Variants in SDK2 observed in about 807,000 individuals in gnomAD.
SDK2 encodes the protein protein sidekick-2.
In SDK2, 105 loss-of-function variants were observed where a neutral mutation model predicts 253.9. That is an observed-to-expected ratio of 0.41 (90% confidence interval 0.35 to 0.49). The LOEUF (loss-of-function observed/expected upper bound fraction) is 0.49. SDK2 is among the 20% of genes least tolerant of loss of function. The probability of loss-of-function intolerance (pLI) is 0.06; values close to 1 mark genes in which losing one functional copy is unlikely to be tolerated. For missense variants in SDK2, 2,608 were observed against 3,003.0 expected, an observed-to-expected ratio of 0.87 and a Z score of 3.07; for synonymous variants, 1,249 against 1,234.9, an observed-to-expected ratio of 1.01 and a Z score of -0.24.
intron 10 of SDK2, 141 bp downstream of exon 10, chr17:73,433,591 G>C: frequency 1.6e-6 from 1 of 623,430 alleles, no homozygotes; most frequent in East Asian, 3.1e-5. Flanking sequence ...GCCCGGCCGA[G>C]AGATGCTCTC....
At chr17:73,545,340 T>C (rs1007152318) in intron 1 of SDK2, among the ~76,000 whole-genome samples, 27 of 152,212 alleles carry the variant, frequency 1.8e-4, no homozygotes, top group African/African-American at 6.3e-4. Context: ...TCGGGTCCCA[T>C]GGCAGGAGGG....
intron 2 of SDK2, among the ~76,000 whole-genome samples, chr17:73,483,677 A>ATG (rs1567799265): frequency 4.1e-4 from 26 of 63,428 alleles, no homozygotes; most frequent in African/African-American, 1.7e-3. Context: ...ATATATATAT[A>ATG]TATATTTATA....
At position 73,361,590 on chromosome 17, in the gene SDK2, A is replaced by C; in HGVS notation, c.5467+94T>G. 1 of 1,286,646 alleles carries C rather than the reference A, an allele frequency of 7.8e-7. No individual in the cohort carries two copies. The highest frequency in any genetic ancestry group is 2.1e-5 in the Admixed American group (1 of 48,236). The allele number at this position is 1,286,646 out of a possible 1,614,324, so 79.7% of individuals were successfully genotyped here. On this transcript the variant is annotated intron_variant, in intron 39 of 44. Coordinates refer to ENST00000392650, the MANE Select transcript of SDK2 (RefSeq NM_001144952.2). The surrounding 1 kb of genome is among the most constrained non-coding windows in gnomAD (Gnocchi z 4.1). ...GAGCTCTGTCCTCCACTCTGTTTCC[A>C]GGGTCCAGCACAGCTCTTGACACCG...
intron 8 of SDK2, among the ~76,000 whole-genome samples, chr17:73,436,353 G>A (rs2063368707): frequency 6.6e-6 from 1 of 152,016 alleles, no homozygotes; most frequent in Non-Finnish European, 1.5e-5. Context: ...GAGGCGGGTG[G>A]ATCACCTGAG....
chr17:73,522,061 C>T (rs577878183), intron 1 of SDK2, among the ~76,000 whole-genome samples: 1 of 152,316 alleles, frequency 6.6e-6, no homozygotes, highest in East Asian at 1.9e-4. Flanking sequence ...TGAGTGACTC[C>T]CAAGATTACA....
At position 73,386,564 on chromosome 17, in the gene SDK2, AG is replaced by A; in HGVS notation, c.4395-17del. ...GGGCTTCAGCCTGTAGGGAGAAATC[AG>A]GGCCAATGAGCCAAGGTGCTCCTTA... On this transcript the variant is annotated splice_polypyrimidine_tract_variant and intron_variant, in intron 30 of 44. Transcript: ENST00000392650. 1 of 1,524,940 alleles carries A rather than the reference AG, an allele frequency of 6.6e-7. No individual in the cohort carries two copies. The highest frequency in any genetic ancestry group is 8.9e-7 in the Non-Finnish European group (1 of 1,122,986). 94.5% of individuals were successfully genotyped at this position (1,524,940 alleles called of 1,614,324 possible).
chr17:73,597,554 C>CA (rs1324002845), intron 1 of SDK2, among the ~76,000 whole-genome samples: 2 of 152,156 alleles, frequency 1.3e-5, no homozygotes, highest in African/African-American at 4.8e-5. Flanking sequence ...CATGGAACGA[C>CA]AGGCTTCTGC....
chr17:73,536,567 CA>C (rs1359613515), intron 1 of SDK2, among the ~76,000 whole-genome samples: 3 of 152,190 alleles, frequency 2.0e-5, no homozygotes, highest in African/African-American at 4.8e-5. Context: ...GAGAGCTGAC[CA>C]GGGGGGCCAC....
chr17:73,582,087 G>A (rs1229418809), intron 1 of SDK2, among the ~76,000 whole-genome samples: 2 of 152,230 alleles, frequency 1.3e-5, no homozygotes, highest in African/African-American at 4.8e-5. Flanking sequence ...GACAGTGTCT[G>A]ATCTATGGCA....
At chr17:73,478,260 T>G (rs957602375) in intron 2 of SDK2, among the ~76,000 whole-genome samples, 10 of 152,184 alleles carry the variant, frequency 6.6e-5, no homozygotes, top group Non-Finnish European at 2.9e-5. Flanking sequence ...TGACAATGTA[T>G]CTCAAAAATC....
At position 73,423,483 on chromosome 17, in the gene SDK2, G is replaced by A. The variant is rs367803544; in HGVS notation, c.1800C>T (p.Leu600=). Residue 600 remains leucine, a synonymous_variant, in exon 14 of 45, where the codon CTC becomes CTT. Coordinates refer to ENST00000392650, the MANE Select transcript of SDK2 (RefSeq NM_001144952.2). ...TGATGGCTCGCCTTTCCACGGTGCT[G>A]AGAGTGGCCACTGGGTGCTCGGGCG... ...PHAPEHPVAT[L]STVERRAINL... 5.0e-6 allele frequency: 8 copies of A among 1,592,108 alleles called. No homozygotes were observed. The highest frequency in any genetic ancestry group is 2.3e-5 in the East Asian group (1 of 43,928).
At chr17:73,585,090 C>T (rs552428511) in intron 1 of SDK2, among the ~76,000 whole-genome samples, 2 of 152,314 alleles carry the variant, frequency 1.3e-5, no homozygotes, top group South Asian at 4.1e-4. Context: ...CAACAGTGCC[C>T]AGCCTCACTG....
intron 5 of SDK2, among the ~76,000 whole-genome samples, chr17:73,445,822 A>G (rs1315539217): frequency 6.6e-6 from 1 of 152,154 alleles, no homozygotes; most frequent in East Asian, 1.9e-4. Flanking sequence ...TCTGCTCTGA[A>G]TTCAGGATAA....
At chr17:73,355,186 T>G (rs1257141474) in intron 40 of SDK2, among the ~76,000 whole-genome samples, 1 of 46,986 alleles carries the variant, frequency 2.1e-5, no homozygotes, top group Admixed American at 1.7e-4. Flanking sequence ...TTTTTTTTTT[T>G]TTTTTTTTTA....
At chr17:73,576,947 T>C (rs1349667732) in intron 1 of SDK2, among the ~76,000 whole-genome samples, 1 of 152,190 alleles carries the variant, frequency 6.6e-6, no homozygotes, top group Non-Finnish European at 1.5e-5. Flanking sequence ...TCGCCAAGGA[T>C]ACACTGTGGC....
chr17:73,398,260 T>C (rs1175947516), intron 23 of SDK2, 60 bp downstream of exon 23: 6 of 1,602,866 alleles, frequency 3.7e-6, no homozygotes, highest in Admixed American at 1.7e-5. Flanking sequence ...GTCTGGGCCA[T>C]AGCCCCCACC....
intron 1 of SDK2, among the ~76,000 whole-genome samples, chr17:73,533,412 T>C (rs192294297): frequency 1.1e-3 from 166 of 152,362 alleles, no homozygotes; most frequent in African/African-American, 3.7e-3. Context: ...TGTCTGGTCA[T>C]TGGGCAGTGG....
At chr17:73,482,986 C>T (rs908840552) in intron 2 of SDK2, among the ~76,000 whole-genome samples, 2 of 152,154 alleles carry the variant, frequency 1.3e-5, no homozygotes, top group Admixed American at 1.3e-4. Flanking sequence ...GACCTGGGCT[C>T]AGAGAGGTTG....
intron 2 of SDK2, among the ~76,000 whole-genome samples, chr17:73,472,748 A>T (rs986065327): frequency 6.6e-6 from 1 of 152,144 alleles, no homozygotes. Context: ...GCATAATTCC[A>T]AGTGTTGTGG....
Sources: gnomAD v4.1 joint callset for allele counts (sites outside exome capture counted in the v4.1 genomes callset) on GRCh38, gnomAD v4.1.1 for gene constraint, Gnocchi (gnomAD v3.1) non-coding constraint, MANE v1.5 for transcripts, NCBI Gene and HGNC (gene_info 2026-07-23, HGNC 2026-07-21) for gene names.